Variants in MCTP1 observed in about 807,000 individuals in gnomAD.
MCTP1 encodes multiple C2 and transmembrane domain containing 1, also known as multiple C2 and transmembrane domain-containing protein 1.
In MCTP1, 69 loss-of-function variants were observed where a neutral mutation model predicts 120.6. That is an observed-to-expected ratio of 0.57 (90% CI 0.47 to 0.70). The LOEUF (loss-of-function observed/expected upper bound fraction) is 0.70, where lower values mean the gene tolerates loss of function less well. Among genes scored for constraint, MCTP1 ranks in the 30% least tolerant of loss-of-function variants. The probability of loss-of-function intolerance (pLI) is 0.00; values close to 1 mark genes in which losing one functional copy is unlikely to be tolerated. For synonymous variants in MCTP1, 529 were observed against 493.1 expected, an observed-to-expected ratio of 1.07 and a Z score of -0.96; for missense variants, 1,203 against 1,248.8, an observed-to-expected ratio of 0.96 and a Z score of 0.55.
At chr5:95,135,160 TTA>T (rs1322097250) in intron 1 of MCTP1, among the ~76,000 whole-genome samples, 1 of 151,774 alleles carries the variant, frequency 6.6e-6, no homozygotes, top group African/African-American at 2.4e-5. Context: ...AGAAAAGAAA[TTA>T]TGTTTGCAAA....
intron 19 of MCTP1, among the ~76,000 whole-genome samples, chr5:94,734,812 T>C (rs1763849204): frequency 6.6e-6 from 1 of 152,194 alleles, no homozygotes; most frequent in Non-Finnish European, 1.5e-5. Flanking sequence ...AATATTTCCA[T>C]GCTTTTTTTT....
chr5:94,958,382 T>C (rs920879576), intron 2 of MCTP1, among the ~76,000 whole-genome samples: 7 of 151,652 alleles, frequency 4.6e-5, no homozygotes, highest in African/African-American at 1.7e-4. Flanking sequence ...AGCAAACAAA[T>C]TCAAAAGCTA....
At chr5:95,154,794 G>T (rs1459034532) in intron 1 of MCTP1, among the ~76,000 whole-genome samples, 1 of 151,904 alleles carries the variant, frequency 6.6e-6, no homozygotes, top group Non-Finnish European at 1.5e-5. Flanking sequence ...TTAAATATTA[G>T]AATAGTTTTT....
intron 14 of MCTP1, 28 bp downstream of exon 14, chr5:94,871,287 A>G: frequency 7.6e-7 from 1 of 1,315,972 alleles, no homozygotes; most frequent in Non-Finnish European, 1.1e-6. Flanking sequence ...AGCAACACAG[A>G]ACAGTGTGTC....
chr5:94,894,391 T>TA (rs1803401159), intron 11 of MCTP1, among the ~76,000 whole-genome samples: 1 of 152,206 alleles, frequency 6.6e-6, no homozygotes, highest in African/African-American at 2.4e-5. Context: ...CCCTGCATGA[T>TA]AAAATCACTG....
At chr5:95,261,756 G>A (rs1758489330) in intron 1 of MCTP1, among the ~76,000 whole-genome samples, 1 of 152,244 alleles carries the variant, frequency 6.6e-6, no homozygotes, top group South Asian at 2.1e-4. Flanking sequence ...CGGAGTTCTT[G>A]TAAATGTTCT....
intron 1 of MCTP1, among the ~76,000 whole-genome samples, chr5:95,258,687 G>A (rs979080880): frequency 2.0e-5 from 3 of 152,140 alleles, no homozygotes; most frequent in Non-Finnish European, 2.9e-5. Flanking sequence ...CTATATTTGC[G>A]ATTTTTCTTT....
At chr5:94,776,062 A>C (rs187578455) in intron 19 of MCTP1, among the ~76,000 whole-genome samples, 69 of 151,420 alleles carry the variant, frequency 4.6e-4, no homozygotes, top group Non-Finnish European at 4.7e-4. Context: ...AACTTTAACC[A>C]AAGTCTTCCC....
chr5:95,209,673 T>A (rs1405513332), intron 1 of MCTP1, among the ~76,000 whole-genome samples: 1 of 152,210 alleles, frequency 6.6e-6, no homozygotes, highest in African/African-American at 2.4e-5. Flanking sequence ...AAACTTTAAC[T>A]CATGTTAGGC....
rs553464900 is a variant in MCTP1, at chr5:95,226,465, G to A, written c.720+57391C>T. On this transcript the variant is annotated intron_variant, in intron 1 of 22. Coordinates refer to ENST00000515393, the MANE Select transcript of MCTP1 (RefSeq NM_024717.7). ...AGTATGAAGAATCTCTGTGTGACAG[G>A]TGCAGGATTTTTCATTTTCGGAGTA... is the stretch of plus-strand genomic sequence containing the variant. 1.2e-4 allele frequency among the ~76,000 whole-genome samples: 18 copies of A among 152,232 alleles called. No individual in the cohort carries two copies. The East Asian group carries it at 3.5e-3, about 29-fold the overall frequency.
intron 9 of MCTP1, among the ~76,000 whole-genome samples, chr5:94,910,151 TACATATGTATATGCATGTATAC>T (rs1159361121): frequency 6.6e-6 from 1 of 151,610 alleles, no homozygotes; most frequent in Admixed American, 6.6e-5. Flanking sequence ...TATGAGTATA[TACATATGTATATGCATGTATAC>T]ATATATGTAT....
At chr5:94,712,987 A>G (rs1254386588) in intron 20 of MCTP1, among the ~76,000 whole-genome samples, 1 of 152,048 alleles carries the variant, frequency 6.6e-6, no homozygotes, top group East Asian at 1.9e-4. Context: ...TAGAAAAAAT[A>G]AAATAAAATA....
chr5:94,846,522 C>T (rs945418566), intron 17 of MCTP1, among the ~76,000 whole-genome samples: 2 of 151,964 alleles, frequency 1.3e-5, no homozygotes, highest in Non-Finnish European at 2.9e-5. Flanking sequence ...ATAGGAGGAG[C>T]GAAAGGATCA....
In MCTP1 at chr5:94,927,559, T is replaced by A. The variant is rs556591546; in HGVS notation, c.1213-3538A>T. Among the ~76,000 whole-genome samples the A allele has an allele frequency of 5.9e-5, 9 of 152,168 alleles. No individual in the cohort carries two copies. In the South Asian group the frequency reaches 8.3e-4, roughly 14 times the overall value. ...CCAAGAGTTTTCATTTTTGCCGCTTTAAAAAAAATTGCCTATTTATTATCA... is the reference window on the plus strand; with the variant it reads ...CCAAGAGTTTTCATTTTTGCCGCTTAAAAAAAAATTGCCTATTTATTATCA... On this transcript the variant is annotated intron_variant, in intron 6 of 22. Coordinates refer to ENST00000515393, the MANE Select transcript of MCTP1 (RefSeq NM_024717.7).
chr5:95,161,309 G>A (rs143602227), intron 1 of MCTP1, among the ~76,000 whole-genome samples: 8 of 152,200 alleles, frequency 5.3e-5, no homozygotes, highest in East Asian at 1.9e-4. Context: ...GCTGAACCTC[G>A]AGGACATTAT....
chr5:94,953,491 AGTTAAGT>A (rs1821158917), intron 2 of MCTP1, 130 bp from the exon 3 acceptor site: 1 of 587,780 alleles, frequency 1.7e-6, no homozygotes, highest in Non-Finnish European at 2.6e-6. Context: ...CAGAAATAAG[AGTTAAGT>A]GTTTTCTTAT....
chr5:94,851,117 T>C (rs1477681866), intron 17 of MCTP1, among the ~76,000 whole-genome samples: 2 of 152,166 alleles, frequency 1.3e-5, no homozygotes, highest in Non-Finnish European at 2.9e-5. Context: ...GAATTAACAC[T>C]GAATTCTCAC....
At chr5:94,971,749 A>G (rs1826940130) in intron 2 of MCTP1, among the ~76,000 whole-genome samples, 2 of 152,158 alleles carry the variant, frequency 1.3e-5, no homozygotes, top group African/African-American at 4.8e-5. Context: ...CCACACAGAG[A>G]GCCATCTGCC....
At chr5:94,714,667 AC>A in intron 20 of MCTP1, 109 bp downstream of exon 20, 1 of 743,760 alleles carries the variant, frequency 1.3e-6, no homozygotes. Context: ...GCAATAGAGC[AC>A]CCAGAAGGAG....
Sources: gnomAD v4.1 joint callset for allele counts (sites outside exome capture counted in the v4.1 genomes callset) on GRCh38, gnomAD v4.1.1 for gene constraint, MANE v1.5 for transcripts, NCBI Gene and HGNC (gene_info 2026-07-23, HGNC 2026-07-21) for gene names.